The following SOX6 variants were observed in gnomAD, a reference collection of about 807,000 sequenced individuals.
The protein encoded by SOX6 is transcription factor SOX-6.
Under a neutral mutation model 97.8 loss-of-function variants are expected in SOX6, and 11 were observed. That is an observed-to-expected ratio of 0.11 (90% CI 0.07 to 0.19). The LOEUF (loss-of-function observed/expected upper bound fraction) is 0.19, where lower values mean the gene tolerates loss of function less well. SOX6 is among the 10% of genes least tolerant of loss of function. The probability of loss-of-function intolerance (pLI) is 1.00; values close to 1 mark genes in which losing one functional copy is unlikely to be tolerated. For synonymous variants in SOX6, 360 were observed against 371.4 expected (o/e 0.97, Z 0.35); for missense variants, 810 against 1,039.5 (o/e 0.78, Z 3.04).
intron 4 of SOX6, among the ~76,000 whole-genome samples, chr11:16,568,738 T>A (rs929667657): frequency 6.6e-6 from 1 of 152,216 alleles, no homozygotes; most frequent in African/African-American, 2.4e-5. Context: ...TATTTCCTTT[T>A]ATGTGCTCCA....
chr11:16,524,628 CCAGGG>C (rs1437948046), intron 4 of SOX6, among the ~76,000 whole-genome samples: 1 of 151,248 alleles, frequency 6.6e-6, no homozygotes, highest in Non-Finnish European at 1.5e-5. Flanking sequence ...GAAGTTCTGG[CCAGGG>C]CAATTAGGCA....
intron 4 of SOX6, among the ~76,000 whole-genome samples, chr11:16,228,322 T>C (rs1852744442): frequency 6.6e-6 from 1 of 152,330 alleles, no homozygotes; most frequent in South Asian, 2.1e-4. Flanking sequence ...AGTTATTTTG[T>C]AATAATTGTA....
intron 1 of SOX6, among the ~76,000 whole-genome samples, chr11:16,452,287 A>T (rs1004283): frequency 2.0e-5 from 3 of 152,020 alleles, no homozygotes; most frequent in Admixed American, 2.0e-4. Context: ...AGTTGGGCTT[A>T]GGGGAGGCAG....
intron 1 of SOX6, among the ~76,000 whole-genome samples, chr11:16,420,286 T>TTCTG (rs1382378684): frequency 8.5e-5 from 13 of 152,332 alleles, no homozygotes; most frequent in Non-Finnish European, 1.9e-4. Flanking sequence ...TCTTGTCTAA[T>TTCTG]TCTGGATTGC....
At chr11:16,032,961 A>T (rs1252041212) in intron 12 of SOX6, among the ~76,000 whole-genome samples, 3 of 152,096 alleles carry the variant, frequency 2.0e-5, no homozygotes, top group Non-Finnish European at 4.4e-5. Flanking sequence ...TTTTATCTTC[A>T]TTAGCTTAAT....
chr11:16,658,020 T>A (rs1406316813), intron 3 of SOX6, among the ~76,000 whole-genome samples: 1 of 152,252 alleles, frequency 6.6e-6, no homozygotes, highest in Non-Finnish European at 1.5e-5. Flanking sequence ...TAAATACATA[T>A]GAACATCTCA....
At chr11:16,176,980 G>A (rs904372235) in intron 6 of SOX6, among the ~76,000 whole-genome samples, 3 of 151,788 alleles carry the variant, frequency 2.0e-5, no homozygotes, top group Admixed American at 2.0e-4. Flanking sequence ...ATGCCCAAAG[G>A]TTTTATATAT....
intron 5 of SOX6, among the ~76,000 whole-genome samples, chr11:16,185,217 T>C (rs945972795): frequency 5.3e-5 from 8 of 152,150 alleles, no homozygotes; most frequent in African/African-American, 1.9e-4. Flanking sequence ...GTGTGAGAAA[T>C]GAGACTCCTC....
chr11:16,011,170 G>A (rs952740079), intron 13 of SOX6, among the ~76,000 whole-genome samples: 1 of 151,986 alleles, frequency 6.6e-6, no homozygotes, highest in Admixed American at 6.6e-5. Context: ...AATGCCATAC[G>A]AAAAGTCCAT....
At chr11:16,103,337 CT>C (rs977173007) in intron 7 of SOX6, among the ~76,000 whole-genome samples, 2 of 151,790 alleles carry the variant, frequency 1.3e-5, no homozygotes, top group African/African-American at 4.8e-5. Flanking sequence ...CACCTCACTC[CT>C]GCAAGAATGG....
In SOX6 at chr11:16,362,279, C is replaced by T. The variant is rs1363092167; in HGVS notation, c.-4-21027G>A. Among the ~76,000 whole-genome samples, 7 of 152,114 alleles carry T rather than the reference C, an allele frequency of 4.6e-5. No individual in the cohort carries two copies. In the East Asian group the frequency reaches 1.4e-3, roughly 29 times the overall value. On this transcript the variant is annotated intron_variant, in intron 1 of 15. Coordinates refer to the SOX6 transcript ENST00000396356. ...TTTCTCTACTCTTCTAAAGAATCTC[C>T]ACATTTCCCCCTTTGAAAGGAAAAT...
intron 4 of SOX6, among the ~76,000 whole-genome samples, chr11:16,572,243 C>T (rs1847946820): frequency 1.3e-5 from 2 of 152,084 alleles, no homozygotes; most frequent in African/African-American, 4.8e-5. Flanking sequence ...TTTACTTAAT[C>T]TCAAACAAAA....
At chr11:16,150,272 C>T (rs544788536) in intron 6 of SOX6, among the ~76,000 whole-genome samples, 2 of 152,244 alleles carry the variant, frequency 1.3e-5, no homozygotes, top group Admixed American at 6.6e-5. Flanking sequence ...AACCACTATT[C>T]AGAAGGAGAC....
At chr11:16,142,145 G>A (rs1262700026) in intron 6 of SOX6, among the ~76,000 whole-genome samples, 3 of 152,116 alleles carry the variant, frequency 2.0e-5, no homozygotes, top group Non-Finnish European at 4.4e-5. Context: ...GCACCCCTCT[G>A]AGACAAAGCT....
chr11:16,242,226 T>G (rs897826316), intron 3 of SOX6, among the ~76,000 whole-genome samples: 6 of 152,008 alleles, frequency 3.9e-5, no homozygotes, highest in African/African-American at 1.4e-4. Context: ...TACTGTAACT[T>G]TTCTATGTTT....
chr11:16,609,332 A>G (rs1411289375), intron 4 of SOX6, among the ~76,000 whole-genome samples: 1 of 152,232 alleles, frequency 6.6e-6, no homozygotes, highest in African/African-American at 2.4e-5. Context: ...AAAAGCTGGG[A>G]AAGAGGTTCT....
chr11:16,665,844 G>C (rs137901870), intron 3 of SOX6, among the ~76,000 whole-genome samples: 3,654 of 152,294 alleles, frequency 0.024, 58 homozygotes, highest in African/African-American at 0.038. Flanking sequence ...TCATCACAGA[G>C]AGACTGTTTG....
intron 3 of SOX6, among the ~76,000 whole-genome samples, chr11:16,626,100 T>C (rs959653715): frequency 1.3e-5 from 2 of 152,190 alleles, no homozygotes; most frequent in African/African-American, 4.8e-5. Context: ...ATCTCATAAC[T>C]GAATTACATG....
At chr11:16,014,842 G>T in intron 13 of SOX6, 100 bp downstream of exon 13, 1 of 1,083,670 alleles carries the variant, frequency 9.2e-7, no homozygotes, top group East Asian at 2.5e-5. Flanking sequence ...GAAATCTAGT[G>T]ATGACTCCTA....
Sources: allele counts gnomAD v4.1 joint callset (sites outside exome capture counted in the v4.1 genomes callset), GRCh38; gene constraint gnomAD v4.1.1; transcripts MANE v1.5; gene names NCBI Gene and HGNC (gene_info 2026-07-23, HGNC 2026-07-21).